The following SCAMP1 variants were observed in gnomAD, a reference collection of about 807,000 sequenced individuals.
SCAMP1 encodes the protein secretory carrier membrane protein 1, also known as secretory carrier-associated membrane protein 1.
SCAMP1 carries 15 observed loss-of-function variants against 41.8 expected under a neutral mutation model. The observed-to-expected ratio is 0.36, with a 90% CI of 0.24 to 0.55. The LOEUF is 0.55. Ranked by LOEUF, SCAMP1 falls within the 20% of genes least tolerant of loss-of-function variation. SCAMP1 has a pLI of 0.86. For synonymous variants in SCAMP1, 135 were observed against 136.8 expected, an observed-to-expected ratio of 0.99 and a Z score of 0.09; for missense variants, 341 against 412.6, an observed-to-expected ratio of 0.83 and a Z score of 1.50.
chr5:78,469,488 C>T (rs1157780471), intron 8 of SCAMP1, among the ~76,000 whole-genome samples: 1 of 150,936 alleles, frequency 6.6e-6, no homozygotes, highest in Non-Finnish European at 1.5e-5. Flanking sequence ...AAAAAAAAAA[C>T]TTTACCCCCA....
intron 6 of SCAMP1, among the ~76,000 whole-genome samples, chr5:78,429,936 AAC>A (rs758986583): frequency 6.6e-6 from 1 of 150,548 alleles, no homozygotes; most frequent in African/African-American, 2.5e-5. Flanking sequence ...CCTTTTCCCC[AAC>A]ACACATGCAT....
In SCAMP1 at chr5:78,360,733, G is replaced by C. The variant is rs1446584972; in HGVS notation, c.57+5G>C. On this transcript the variant is annotated splice_donor_5th_base_variant and intron_variant, in intron 1 of 8. Coordinates refer to ENST00000621999, the MANE Select transcript of SCAMP1 (RefSeq NM_004866.6). ...GATCTCAACAATCCCTTCAAGGTGAGCTTCGGCCCCAGCATCTCCTGCCGC... is the reference window on the plus strand; with the variant it reads ...GATCTCAACAATCCCTTCAAGGTGACCTTCGGCCCCAGCATCTCCTGCCGC... 6.2e-7 allele frequency: 1 copy of C among 1,605,960 alleles called. No homozygotes were observed.
chr5:78,457,491 C>A (rs1395409904), intron 7 of SCAMP1, among the ~76,000 whole-genome samples: 4 of 152,236 alleles, frequency 2.6e-5, no homozygotes, highest in South Asian at 4.1e-4. Flanking sequence ...CCCAGTTAGG[C>A]TGCTCGGGGG....
At chr5:78,464,205 G>T (rs1012156466) in intron 8 of SCAMP1, among the ~76,000 whole-genome samples, 1 of 151,798 alleles carries the variant, frequency 6.6e-6, no homozygotes, top group African/African-American at 2.4e-5. Context: ...GTGTGATGGC[G>T]TGATCTCTGC....
At chr5:78,465,382 A>C (rs1753720352) in intron 8 of SCAMP1, among the ~76,000 whole-genome samples, 1 of 152,186 alleles carries the variant, frequency 6.6e-6, no homozygotes, top group Non-Finnish European at 1.5e-5. Context: ...GTAACCACTC[A>C]GGTTTGGTGT....
chr5:78,450,970 A>AT (rs1255351697), intron 7 of SCAMP1, among the ~76,000 whole-genome samples: 1 of 152,194 alleles, frequency 6.6e-6, no homozygotes, highest in African/African-American at 2.4e-5. Context: ...TTTTATTATT[A>AT]TTTTAAATAG....
chr5:78,448,746 A>G (rs150406570), intron 6 of SCAMP1, among the ~76,000 whole-genome samples: 3,030 of 152,322 alleles, frequency 0.02, 116 homozygotes, highest in African/African-American at 0.068. Context: ...CATGCCTGTA[A>G]TCCCAGCACT....
At chr5:78,409,343 T>C (rs1182812886) in intron 2 of SCAMP1, among the ~76,000 whole-genome samples, 1 of 152,164 alleles carries the variant, frequency 6.6e-6, no homozygotes, top group Admixed American at 6.5e-5. Context: ...GGTGATCTGC[T>C]ATGTTTTAAG....
intron 2 of SCAMP1, among the ~76,000 whole-genome samples, chr5:78,412,067 A>T (rs1264590079): frequency 2.0e-5 from 3 of 152,050 alleles, no homozygotes; most frequent in African/African-American, 7.2e-5. Flanking sequence ...CAGAGTTTTT[A>T]AAAATGCAGT....
At chr5:78,429,457 T>C (rs1361892065) in intron 6 of SCAMP1, among the ~76,000 whole-genome samples, 1 of 151,884 alleles carries the variant, frequency 6.6e-6, no homozygotes, top group Non-Finnish European at 1.5e-5. Context: ...GTCCACTTAC[T>C]CTGTTAATAT....
intron 1 of SCAMP1, among the ~76,000 whole-genome samples, chr5:78,386,702 A>G (rs1751350236): frequency 6.6e-6 from 1 of 151,906 alleles, no homozygotes; most frequent in Non-Finnish European, 1.5e-5. Context: ...AAAAGTATGT[A>G]TCCTTCATTT....
chr5:78,424,175 C>T (rs1752409739), intron 6 of SCAMP1, among the ~76,000 whole-genome samples: 2 of 151,910 alleles, frequency 1.3e-5, no homozygotes, highest in Non-Finnish European at 1.5e-5. Flanking sequence ...TGCGCCCAGC[C>T]TCGAGAGGAA....
intron 1 of SCAMP1, among the ~76,000 whole-genome samples, chr5:78,387,518 C>T (rs905516288): frequency 2.6e-5 from 4 of 151,766 alleles, no homozygotes; most frequent in South Asian, 2.1e-4. Flanking sequence ...GTGATCTTTT[C>T]GGGGTGTTAA....
At chr5:78,387,899 T>A (rs1344873428) in intron 1 of SCAMP1, among the ~76,000 whole-genome samples, 1 of 152,150 alleles carries the variant, frequency 6.6e-6, no homozygotes, top group Non-Finnish European at 1.5e-5. Context: ...TACGCTGGTT[T>A]TGTGTTGGTT....
chr5:78,411,582 C>T (rs561775793), intron 2 of SCAMP1, among the ~76,000 whole-genome samples: 105 of 151,998 alleles, frequency 6.9e-4, no homozygotes, highest in African/African-American at 2.4e-3. Flanking sequence ...CTTATTTGTC[C>T]AAGCTTCCTC....
intron 8 of SCAMP1, among the ~76,000 whole-genome samples, chr5:78,461,625 A>G (rs59474618): frequency 0.36 from 55,265 of 152,026 alleles, 11,263 homozygotes; most frequent in East Asian, 0.83. Flanking sequence ...GCAGTGGCAC[A>G]ATCTCGGCTC....
intron 6 of SCAMP1, among the ~76,000 whole-genome samples, chr5:78,432,045 A>G (rs773075077): frequency 4.6e-5 from 7 of 152,082 alleles, no homozygotes; most frequent in Non-Finnish European, 7.4e-5. Flanking sequence ...GCTATCAAAT[A>G]CTAAGTTACT....
intron 2 of SCAMP1, among the ~76,000 whole-genome samples, chr5:78,404,453 G>GTTTTTTTTTGTTTTTTTTTTTTTT (rs1751880766): frequency 1.0e-5 from 1 of 98,180 alleles, no homozygotes; most frequent in African/African-American, 4.5e-5. Context: ...AGCCTTACAG[G>GTTTTTTTTTGTTTTTTTTTTTTTT]TTTTTTTTTT....
chr5:78,467,578 T>TTTG (rs751179725), intron 8 of SCAMP1, among the ~76,000 whole-genome samples: 4 of 152,062 alleles, frequency 2.6e-5, no homozygotes, highest in East Asian at 1.9e-4. Context: ...ACTCTAATAT[T>TTTG]TTGTTGTTGT....
Sources: allele counts gnomAD v4.1 joint callset (sites outside exome capture counted in the v4.1 genomes callset), GRCh38; gene constraint gnomAD v4.1.1; transcripts MANE v1.5; gene names NCBI Gene and HGNC (gene_info 2026-07-23, HGNC 2026-07-21).